The following RNF17 variants were observed in gnomAD, a reference collection of about 807,000 sequenced individuals.
RNF17 encodes spermatogenesis associated 23.
In RNF17, 31 loss-of-function variants were observed where a neutral mutation model predicts 200.5. That is an observed-to-expected ratio of 0.15 (90% CI 0.12 to 0.21). RNF17 has a LOEUF of 0.21. Among genes scored for constraint, RNF17 ranks in the 10% least tolerant of loss-of-function variants. The pLI is 1.00. For synonymous variants in RNF17, 606 were observed against 637.8 expected (o/e 0.95, Z 0.75); for missense variants, 1,628 against 1,905.1 (o/e 0.85, Z 2.71).
At chr13:24,862,626 T>C in intron 27 of RNF17, 87 bp from the exon 28 acceptor site, 2 of 780,860 alleles carry the variant, frequency 2.6e-6, no homozygotes, top group Admixed American at 3.6e-5. Context: ...TATTATTTGT[T>C]TATGGCTACT....
the RNF17 span, among the ~76,000 whole-genome samples, chr13:24,887,669 GTAA>G: frequency 0.18 from 27,596 of 152,042 alleles, 2,686 homozygotes; most frequent in South Asian, 0.32. Context: ...ACATTACAAT[GTAA>G]TAATATTAGA....
chr13:24,782,006 T>C, intron 6 of RNF17, 62 bp downstream of exon 6: 1 of 1,058,362 alleles, frequency 9.4e-7, no homozygotes, highest in African/African-American at 1.6e-5. Flanking sequence ...CTTGTCATTG[T>C]ATTCCTTTGT....
At chr13:24,754,166 T>C in the RNF17 span, among the ~76,000 whole-genome samples, 8 of 136,176 alleles carry the variant, frequency 5.9e-5, no homozygotes, top group African/African-American at 2.2e-4. Context: ...AAAAATAAAA[T>C]TAAAAAAAAA....
chr13:24,807,511 ATTTG>A (rs1261700939), intron 15 of RNF17, among the ~76,000 whole-genome samples: 13 of 152,050 alleles, frequency 8.5e-5, no homozygotes, highest in Admixed American at 7.2e-4. Context: ...TTTCTTGTAA[ATTTG>A]TTTGAGTTCA....
chr13:24,766,178 C>T (rs1398258529), intron 1 of RNF17, among the ~76,000 whole-genome samples: 3 of 152,224 alleles, frequency 2.0e-5, no homozygotes, highest in South Asian at 4.1e-4. Context: ...GGCAGTGAAC[C>T]GAGATCGTGG....
intron 22 of RNF17, among the ~76,000 whole-genome samples, chr13:24,846,493 T>G (rs1891268494): frequency 6.6e-6 from 1 of 152,146 alleles, no homozygotes; most frequent in Non-Finnish European, 1.5e-5. Flanking sequence ...AAATTGTACA[T>G]ATAGGAAACA....
intron 16 of RNF17, among the ~76,000 whole-genome samples, chr13:24,828,033 C>T (rs1164589961): frequency 1.3e-5 from 2 of 152,122 alleles, no homozygotes. Flanking sequence ...CAAAAACATT[C>T]CAGTGATTGC....
intron 2 of RNF17, among the ~76,000 whole-genome samples, chr13:24,769,659 A>C (rs1443631492): frequency 1.3e-5 from 2 of 152,202 alleles, no homozygotes; most frequent in Non-Finnish European, 2.9e-5. Flanking sequence ...TATTTGAGGA[A>C]TGTAGTTTAT....
intron 15 of RNF17, among the ~76,000 whole-genome samples, chr13:24,823,528 C>T (rs914358116): frequency 6.7e-6 from 1 of 149,962 alleles, no homozygotes; most frequent in Non-Finnish European, 1.5e-5. Context: ...ATGTCAGGAG[C>T]TGAAACAAAG....
upstream of RNF17, among the ~76,000 whole-genome samples, chr13:24,763,198 T>C (rs1566102651): frequency 7.1e-6 from 1 of 140,844 alleles, no homozygotes; most frequent in Non-Finnish European, 1.5e-5. Context: ...ACAAGTTGCT[T>C]CAACTCTTTT....
At chr13:24,848,962 G>A (rs1891551492) in intron 22 of RNF17, among the ~76,000 whole-genome samples, 1 of 152,130 alleles carries the variant, frequency 6.6e-6, no homozygotes, top group African/African-American at 2.4e-5. Flanking sequence ...ACGAAATCCT[G>A]TTTGGCCAAG....
intron 16 of RNF17, among the ~76,000 whole-genome samples, chr13:24,826,782 C>T (rs887397339): frequency 2.0e-5 from 3 of 149,436 alleles, no homozygotes; most frequent in East Asian, 2.0e-4. Flanking sequence ...AAAAAAAGGC[C>T]GGGTGCGGTG....
intron 6 of RNF17, among the ~76,000 whole-genome samples, chr13:24,785,435 T>TCTGACTA (rs1882977141): frequency 6.6e-6 from 1 of 152,230 alleles, no homozygotes; most frequent in Non-Finnish European, 1.5e-5. Flanking sequence ...AGATACCTTG[T>TCTGACTA]AGGATTTCAA....
At chr13:24,853,498 A>G (rs944523614) in intron 24 of RNF17, among the ~76,000 whole-genome samples, 66 of 152,292 alleles carry the variant, frequency 4.3e-4, no homozygotes, top group African/African-American at 1.5e-3. Context: ...GGATGCTAAT[A>G]GCTTGCCAGA....
chr13:24,782,765 G>A (rs1423818491), intron 6 of RNF17, among the ~76,000 whole-genome samples: 1 of 152,096 alleles, frequency 6.6e-6, no homozygotes, highest in Non-Finnish European at 1.5e-5. Flanking sequence ...GAGCCCAATT[G>A]TTGCTATTGG....
At chr13:24,830,382 G>A in intron 16 of RNF17, 102 bp from the exon 17 acceptor site, 1 of 658,110 alleles carries the variant, frequency 1.5e-6, no homozygotes, top group South Asian at 2.0e-5. Flanking sequence ...TTTGTATATT[G>A]AAGCTAAAAG....
the RNF17 span, among the ~76,000 whole-genome samples, chr13:24,752,657 C>T: frequency 3.9e-5 from 6 of 152,346 alleles, no homozygotes; most frequent in East Asian, 1.9e-4. Flanking sequence ...GCCGAGGCTG[C>T]GGCTGCCTCA....
chr13:24,771,433 G>A (rs1188604764), intron 2 of RNF17, among the ~76,000 whole-genome samples: 1 of 139,800 alleles, frequency 7.2e-6, no homozygotes, highest in Admixed American at 8.2e-5. Context: ...CTTCCAAAGT[G>A]CTGAGATTAC....
At chr13:24,884,436 G>A (rs571084331), downstream of RNF17, 101 of 1,613,934 alleles carry the variant, frequency 6.3e-5, no homozygotes, top group Non-Finnish European at 8.0e-5. Context: ...AGTATAACAC[G>A]GCACCCATTC....
Sources: gnomAD v4.1 joint callset for allele counts (sites outside exome capture counted in the v4.1 genomes callset) on GRCh38, gnomAD v4.1.1 for gene constraint, MANE v1.5 for transcripts, NCBI Gene and HGNC (gene_info 2026-07-23, HGNC 2026-07-21) for gene names.